PCP4: variants seen among roughly 807,000 people sequenced by gnomAD.
The protein encoded by PCP4 is calmodulin regulator protein PCP4.
In PCP4, 8 loss-of-function variants were observed where a neutral mutation model predicts 10.0. The ratio of observed to expected loss-of-function variants is 0.80; its 90% CI spans 0.47 to 1.45. The LOEUF is 1.45. Among genes scored for constraint, PCP4 ranks in the 40% most tolerant of loss-of-function variants. The pLI is 0.00. For missense variants in PCP4, 54 were observed against 74.4 expected (o/e 0.73, Z 1.01); for synonymous variants, 21 against 23.0 (o/e 0.91, Z 0.24).
At chr21:39,911,457 G>C (rs1031119757) in intron 2 of PCP4, among the ~76,000 whole-genome samples, 2 of 152,044 alleles carry the variant, frequency 1.3e-5, no homozygotes, top group Admixed American at 1.3e-4. Context: ...TGGTCCACTC[G>C]ACAGAAACAC....
rs886453704 is a variant in PCP4, at chr21:39,906,930, G to A, written c.61+8403G>A. 7.2e-5 allele frequency among the ~76,000 whole-genome samples: 11 copies of A among 152,162 alleles called. No homozygotes were observed. Among genetic ancestry groups the A allele is most frequent in the Admixed American group, 2.6e-4 (4 of 15,286 alleles). On this transcript the variant is annotated intron_variant, in intron 2 of 2. Transcript: ENST00000328619. The surrounding 1 kb of genome is among the most constrained non-coding windows in gnomAD (Gnocchi z 6.3). ...CTTTTATGGAAATAGTATTTCTCAC[G>A]CGCTTGAAAACACTTTTGCTCTTTT...
intron 1 of PCP4, among the ~76,000 whole-genome samples, chr21:39,875,534 G>C (rs1205880079): frequency 6.6e-6 from 1 of 152,184 alleles, no homozygotes; most frequent in Non-Finnish European, 1.5e-5. Context: ...GCCATAGTGA[G>C]ATCTTCTCCT....
At position 39,889,995 on chromosome 21, in the gene PCP4, G is replaced by C. The variant is rs948381320; in HGVS notation, c.10-8481G>C. On this transcript the variant is annotated intron_variant, in intron 1 of 2. Transcript: ENST00000328619. ...CTGGGTTATGATAAATGATAAAACA[G>C]GTTTGGGTGAGTTGGCTTCTAACTG... 3.3e-5 allele frequency among the ~76,000 whole-genome samples: 5 copies of C among 152,168 alleles called. No individual in the cohort carries two copies. The South Asian group carries it at 8.3e-4, about 25-fold the overall frequency.
intron 2 of PCP4, among the ~76,000 whole-genome samples, chr21:39,903,373 C>T (rs187306082): frequency 2.0e-3 from 300 of 152,026 alleles, no homozygotes; most frequent in African/African-American, 7.1e-3. Context: ...CCCTCACATC[C>T]AGGCTGTAGG....
At chr21:39,895,955 C>G (rs11911943) in intron 1 of PCP4, among the ~76,000 whole-genome samples, 5 of 152,112 alleles carry the variant, frequency 3.3e-5, no homozygotes, top group Non-Finnish European at 7.3e-5. Flanking sequence ...CTTTCAATAA[C>G]GAGTTCTTTT....
chr21:39,874,349 C>T (rs894665232), intron 1 of PCP4, among the ~76,000 whole-genome samples: 4 of 152,230 alleles, frequency 2.6e-5, no homozygotes, highest in East Asian at 1.9e-4. Context: ...TTATTTACGA[C>T]GGTTTGATAG....
chr21:39,890,500 C>G (rs2087424619), intron 1 of PCP4, among the ~76,000 whole-genome samples: 1 of 150,902 alleles, frequency 6.6e-6, no homozygotes. Flanking sequence ...GGATTACAGG[C>G]ATTTGCCACC....
chr21:39,919,366 T>G (rs895511990), intron 2 of PCP4, among the ~76,000 whole-genome samples: 3 of 152,246 alleles, frequency 2.0e-5, no homozygotes, highest in African/African-American at 4.8e-5. Context: ...CTAAGAACCT[T>G]GGCATTACAA....
intron 2 of PCP4, among the ~76,000 whole-genome samples, chr21:39,913,825 G>A (rs762613515): frequency 6.6e-6 from 1 of 152,192 alleles, no homozygotes; most frequent in Non-Finnish European, 1.5e-5. Flanking sequence ...CTACCGAATA[G>A]TCTTGTGCAT....
chr21:39,927,341 C>T (rs1177601240), intron 2 of PCP4, among the ~76,000 whole-genome samples: 1 of 31,794 alleles, frequency 3.1e-5, no homozygotes, highest in Non-Finnish European at 6.0e-5. Context: ...ATCTATCTGT[C>T]TATCTATCTA....
chr21:39,910,499 T>G (rs964068779), intron 2 of PCP4, among the ~76,000 whole-genome samples: 4 of 152,084 alleles, frequency 2.6e-5, no homozygotes, highest in African/African-American at 9.7e-5. Context: ...GTTTTTATAG[T>G]GAGCTTTGAA....
intron 1 of PCP4, among the ~76,000 whole-genome samples, chr21:39,883,208 A>G (rs1395004002): frequency 2.0e-5 from 3 of 152,138 alleles, no homozygotes; most frequent in African/African-American, 7.2e-5. Flanking sequence ...CTACAGATCC[A>G]TGGGGTTGCC....
At chr21:39,869,367 C>T (rs62235427) in intron 1 of PCP4, among the ~76,000 whole-genome samples, 29,705 of 152,222 alleles carry the variant, frequency 0.2, 3,010 homozygotes, top group Non-Finnish European at 0.22. Flanking sequence ...TCCTGCTGAA[C>T]GGGTAATCAG....
At chr21:39,870,450 C>T (rs114836415) in intron 1 of PCP4, among the ~76,000 whole-genome samples, 1,567 of 152,298 alleles carry the variant, frequency 0.01, 24 homozygotes, top group African/African-American at 0.036. Flanking sequence ...GATCAGAAAT[C>T]TTAACCATCA....
In PCP4 at chr21:39,879,011, CTGAA is replaced by C. The variant is rs550897715; in HGVS notation, c.9+11503_9+11506del. ...CCTTTTTCTTTTTTTTTTTTTGAGA[CTGAA>C]TTTTACTCTTTTTGCCCAGGGTGGA... On this transcript the variant is annotated intron_variant, in intron 1 of 2. Coordinates refer to ENST00000328619, the MANE Select transcript of PCP4 (RefSeq NM_006198.3). Among the ~76,000 whole-genome samples, 21 of 143,858 alleles carry C rather than the reference CTGAA, an allele frequency of 1.5e-4. No homozygotes were observed. In the South Asian group the frequency reaches 4.4e-3, roughly 30 times the overall value. The allele number at this position is 143,858 out of a possible 152,430, so 94.4% of individuals were successfully genotyped here.
At position 39,887,516 on chromosome 21, in the gene PCP4, T is replaced by A. The variant is rs558943421; in HGVS notation, c.10-10960T>A. Reference sequence around the variant, plus strand: ...AGAAATTAAATCTTTTCTGTCTCTGTCACAAAATGTAGGCATAAAAGTCTC... The same window carrying A: ...AGAAATTAAATCTTTTCTGTCTCTGACACAAAATGTAGGCATAAAAGTCTC... On this transcript the variant is annotated intron_variant, in intron 1 of 2. Transcript: ENST00000328619. 2.9e-4 allele frequency among the ~76,000 whole-genome samples: 44 copies of A among 152,318 alleles called. 1 individual carries two copies. The highest frequency in any genetic ancestry group is 1.7e-3 in the South Asian group (8 of 4,826).
intron 1 of PCP4, among the ~76,000 whole-genome samples, chr21:39,896,225 C>T (rs1229695592): frequency 6.6e-6 from 1 of 152,222 alleles, no homozygotes. Flanking sequence ...GAGCATGCAC[C>T]TATTTTGCAC....
intron 2 of PCP4, among the ~76,000 whole-genome samples, chr21:39,902,261 A>G (rs1034130434): frequency 6.6e-6 from 1 of 152,222 alleles, no homozygotes; most frequent in Non-Finnish European, 1.5e-5. Flanking sequence ...TCTCAATTGT[A>G]TTAATTGTCT....
intron 2 of PCP4, among the ~76,000 whole-genome samples, chr21:39,913,485 G>T (rs1366043856): frequency 3.9e-5 from 6 of 152,218 alleles, no homozygotes; most frequent in Non-Finnish European, 8.8e-5. Flanking sequence ...TTCTGATGTG[G>T]GATGCCCAGT....
Sources: allele counts gnomAD v4.1 joint callset (sites outside exome capture counted in the v4.1 genomes callset), GRCh38; gene constraint gnomAD v4.1.1; non-coding constraint Gnocchi (gnomAD v3.1); transcripts MANE v1.5; gene names NCBI Gene and HGNC (gene_info 2026-07-23, HGNC 2026-07-21).